Variants in SLC22A25 observed in about 807,000 individuals in gnomAD.
SLC22A25 encodes the protein solute carrier family 22 member 25, also known as MGI:2442751, MGI:2385316, MGI:3042283, MGI:3645714, MGI:3605624, MGI:2442750.
SLC22A25 carries 44 observed loss-of-function variants against 45.9 expected under a neutral mutation model. The ratio of observed to expected loss-of-function variants is 0.96; its 90% confidence interval spans 0.75 to 1.23. SLC22A25 has a LOEUF of 1.23. Ranked by LOEUF, SLC22A25 falls within the 50% of genes most tolerant of loss-of-function variation. The probability of loss-of-function intolerance (pLI) is 0.00; values close to 1 mark genes in which losing one functional copy is unlikely to be tolerated. For synonymous variants in SLC22A25, 283 were observed against 238.6 expected (o/e 1.19, Z -1.72); for missense variants, 800 against 666.4 (o/e 1.20, Z -2.21).
At chr11:63,218,086 C>A (rs1276443182) in intron 5 of SLC22A25, 5 of 483,818 alleles carry the variant, frequency 1.0e-5, no homozygotes, top group African/African-American at 7.8e-5. Flanking sequence ...CTCACATGTT[C>A]ATTGAAGCAC....
intron 9 of SLC22A25, among the ~76,000 whole-genome samples, chr11:63,178,246 T>C (rs1193510868): frequency 6.6e-6 from 1 of 152,038 alleles, no homozygotes. Flanking sequence ...TGATACCATA[T>C]CTTGGCTTTT....
chr11:63,180,558 A>AT, intron 9 of SLC22A25, 102 bp downstream of exon 9: 1 of 787,368 alleles, frequency 1.3e-6, no homozygotes, highest in Non-Finnish European at 2.0e-6. Context: ...ATCATCTTTT[A>AT]TCCCCCAAAT....
intron 7 of SLC22A25, among the ~76,000 whole-genome samples, chr11:63,211,163 G>A (rs985148412): frequency 6.6e-6 from 1 of 152,154 alleles, no homozygotes; most frequent in African/African-American, 2.4e-5. Context: ...GGTGGTAGTA[G>A]AGCTTAACCC....
At chr11:63,191,022 C>T (rs893588198) in intron 7 of SLC22A25, among the ~76,000 whole-genome samples, 1 of 152,216 alleles carries the variant, frequency 6.6e-6, no homozygotes. Flanking sequence ...GCAGTCTGCC[C>T]ATTCTCAGAT....
At chr11:63,240,580 A>G (rs902955248) in intron 1 of SLC22A25, among the ~76,000 whole-genome samples, 6 of 152,224 alleles carry the variant, frequency 3.9e-5, no homozygotes, top group Non-Finnish European at 7.3e-5. Context: ...CACTTAAAAT[A>G]TAAACATGTT....
rs1347147035 is a variant in SLC22A25, at chr11:63,158,868, T to C, written c.*4956A>G. On this transcript the variant is annotated 3_prime_UTR_variant, in exon 12 of 12. Transcript: ENST00000306494. ...ATTCATTCTTTCCAACTTCCTTTTT[T>C]CCCCCCATTAACTATTCCCACTTCC... 6.6e-6 allele frequency among the ~76,000 whole-genome samples: 1 copy of C among 152,144 alleles called. No homozygotes were observed. The highest frequency in any genetic ancestry group is 2.4e-5 in the African/African-American group (1 of 41,430).
chr11:63,188,966 C>A (rs959585964), intron 7 of SLC22A25, among the ~76,000 whole-genome samples: 6 of 152,038 alleles, frequency 3.9e-5, no homozygotes, highest in African/African-American at 1.5e-4. Context: ...TTACTTCCAA[C>A]TATGTGGTCA....
intron 7 of SLC22A25, among the ~76,000 whole-genome samples, chr11:63,207,031 A>G (rs1023705028): frequency 1.3e-5 from 2 of 152,200 alleles, no homozygotes; most frequent in African/African-American, 2.4e-5. Flanking sequence ...GCAATGGGGA[A>G]GGGATTCCCT....
intron 7 of SLC22A25, among the ~76,000 whole-genome samples, chr11:63,193,208 C>T (rs142933096): frequency 6.6e-6 from 1 of 152,054 alleles, no homozygotes; most frequent in East Asian, 1.9e-4. Context: ...GGAACAGCTC[C>T]AGTCTACACC....
intron 7 of SLC22A25, among the ~76,000 whole-genome samples, chr11:63,195,553 C>G (rs11822411): frequency 0.022 from 3,312 of 152,066 alleles, 119 homozygotes; most frequent in African/African-American, 0.075. Context: ...TCTTTGAAGC[C>G]AACGAGAACA....
At chr11:63,200,093 C>T (rs1195370851) in intron 7 of SLC22A25, among the ~76,000 whole-genome samples, 1 of 151,968 alleles carries the variant, frequency 6.6e-6, no homozygotes, top group African/African-American at 2.4e-5. Flanking sequence ...AGAGCTGGTA[C>T]TATTCCTACC....
At chr11:63,188,095 G>A (rs868469735) in intron 7 of SLC22A25, among the ~76,000 whole-genome samples, 1 of 152,156 alleles carries the variant, frequency 6.6e-6, no homozygotes, top group Non-Finnish European at 1.5e-5. Flanking sequence ...TTCTTCTACT[G>A]ATTGGAATAG....
chr11:63,235,095 C>T (rs2090140826), intron 3 of SLC22A25, among the ~76,000 whole-genome samples: 1 of 152,156 alleles, frequency 6.6e-6, no homozygotes, highest in Non-Finnish European at 1.5e-5. Flanking sequence ...TTCGTTTCAA[C>T]TTTGGTGAAT....
At chr11:63,195,076 CA>C (rs2088968536) in intron 7 of SLC22A25, among the ~76,000 whole-genome samples, 2 of 151,934 alleles carry the variant, frequency 1.3e-5, no homozygotes, top group African/African-American at 4.8e-5. Flanking sequence ...TATATGCACC[CA>C]ATACAAGAGC....
In SLC22A25 at chr11:63,228,552, A is replaced by G. The variant is rs148823210; in HGVS notation, c.415T>C (p.Cys139Arg). Residue 139 changes from cysteine (C) to arginine (R), a missense_variant, in exon 5 of 12, where the codon TGC becomes CGC. Transcript: ENST00000306494. ...STIVTKWDLV[C>R]ESQPLNSVAK... ...ACTGAATTCAGTGGTTGAGATTCGC[A>G]TACCAGATCCCACTGGAAGAAAAGG... 6.8e-6 allele frequency: 11 copies of G among 1,613,506 alleles called. No individual in the cohort carries two copies. Among genetic ancestry groups the G allele is most frequent in the Non-Finnish European group, 9.3e-6 (11 of 1,179,732 alleles).
At chr11:63,240,050 C>T (rs975267863) in intron 1 of SLC22A25, among the ~76,000 whole-genome samples, 1 of 152,142 alleles carries the variant, frequency 6.6e-6, no homozygotes, top group Non-Finnish European at 1.5e-5. Context: ...CTAATGCACA[C>T]CTAGGCTATA....
rs754566753 is a variant in SLC22A25 at position 63,163,871 on chromosome 11, C to T, written c.1597G>A (p.Glu533Lys). Residue 533 changes from glutamate (E) to lysine (K), a missense_variant, in exon 12 of 12, where the codon GAG becomes AAG. Coordinates refer to ENST00000306494, the MANE Select transcript of SLC22A25 (RefSeq NM_199352.6). ...LLDSIQDVENEGVNSLAAPQR... is the reference protein window; with the variant it reads ...LLDSIQDVENKGVNSLAAPQR... ...GGGGCAGCTAGGCTATTTACTCCCTCATTTTCCACATCCTGGATGCTGTCA... is the reference window on the plus strand; with the variant it reads ...GGGGCAGCTAGGCTATTTACTCCCTTATTTTCCACATCCTGGATGCTGTCA... 2 of 1,613,764 alleles carry T rather than the reference C, an allele frequency of 1.2e-6. No homozygotes were observed. The highest frequency in any genetic ancestry group is 8.5e-7 in the Non-Finnish European group (1 of 1,179,882).
At chr11:63,240,999 C>A (rs1043162705) in intron 1 of SLC22A25, among the ~76,000 whole-genome samples, 4 of 152,200 alleles carry the variant, frequency 2.6e-5, no homozygotes, top group African/African-American at 9.7e-5. Context: ...CATTGACTGA[C>A]TTGATATGGC....
rs1373668964 is a variant in SLC22A25, at chr11:63,161,088, G to A, written c.*2736C>T. On this transcript the variant is annotated 3_prime_UTR_variant, in exon 12 of 12. Transcript: ENST00000306494. Reference sequence around the variant, plus strand: ...AATGGACTCACAGCTCCATGTGGCTGGTGAGGCCTCACAATCATGGTGGAA... The same window carrying A: ...AATGGACTCACAGCTCCATGTGGCTAGTGAGGCCTCACAATCATGGTGGAA... 6.6e-6 allele frequency among the ~76,000 whole-genome samples: 1 copy of A among 152,190 alleles called. No individual in the cohort carries two copies. Among genetic ancestry groups the A allele is most frequent in the Non-Finnish European group, 1.5e-5 (1 of 68,042 alleles).
Sources: gnomAD v4.1 joint callset for allele counts (sites outside exome capture counted in the v4.1 genomes callset) on GRCh38, gnomAD v4.1.1 for gene constraint, MANE v1.5 for transcripts, NCBI Gene and HGNC (gene_info 2026-07-23, HGNC 2026-07-21) for gene names.